C1orf21: variants seen among roughly 807,000 people sequenced by gnomAD.
The protein encoded by C1orf21 is uncharacterized protein C1orf21.
C1orf21 carries 3 observed loss-of-function variants against 18.7 expected under a neutral mutation model. The observed-to-expected ratio is 0.16, with a 90% confidence interval of 0.07 to 0.42. The LOEUF (loss-of-function observed/expected upper bound fraction) is 0.42, where lower values mean the gene tolerates loss of function less well. Ranked by LOEUF, C1orf21 falls within the 10% of genes least tolerant of loss-of-function variation. The probability of loss-of-function intolerance (pLI) is 0.99; values close to 1 mark genes in which losing one functional copy is unlikely to be tolerated. For synonymous variants in C1orf21, 41 were observed against 46.4 expected (o/e 0.88, Z 0.47); for missense variants, 104 against 143.6 (o/e 0.72, Z 1.41).
At chr1:184,618,646 C>A (rs528525532) in intron 5 of C1orf21, among the ~76,000 whole-genome samples, 1 of 147,856 alleles carries the variant, frequency 6.8e-6, no homozygotes, top group Non-Finnish European at 1.5e-5. Flanking sequence ...TCCCCCCCCC[C>A]AAGAAAAATG....
intron 1 of C1orf21, among the ~76,000 whole-genome samples, chr1:184,397,345 A>G (rs907697897): frequency 2.2e-4 from 34 of 152,156 alleles, no homozygotes; most frequent in Non-Finnish European, 3.5e-4. Context: ...CCAGCACTTT[A>G]GGAGGCCAAG....
chr1:184,427,824 A>G (rs1656666108), intron 1 of C1orf21, among the ~76,000 whole-genome samples: 1 of 152,022 alleles, frequency 6.6e-6, no homozygotes, highest in African/African-American at 2.4e-5. Flanking sequence ...CCCACCCTCC[A>G]CATACTTTCC....
At chr1:184,502,266 T>C (rs1439786664) in intron 2 of C1orf21, among the ~76,000 whole-genome samples, 1 of 152,206 alleles carries the variant, frequency 6.6e-6, no homozygotes, top group East Asian at 1.9e-4. Flanking sequence ...TGCCTTCACA[T>C]GGCAGAAAGT....
intron 4 of C1orf21, among the ~76,000 whole-genome samples, chr1:184,593,354 A>G (rs944672078): frequency 2.0e-5 from 3 of 152,092 alleles, no homozygotes; most frequent in Admixed American, 6.5e-5. Context: ...CCTGGAATTC[A>G]ATTAAGAAAT....
chr1:184,417,104 G>A (rs1035744227), intron 1 of C1orf21, among the ~76,000 whole-genome samples: 4 of 152,100 alleles, frequency 2.6e-5, no homozygotes, highest in African/African-American at 7.2e-5. Context: ...AATTCCAGGT[G>A]ATTTATACTC....
intron 4 of C1orf21, among the ~76,000 whole-genome samples, chr1:184,593,025 T>C (rs76745391): frequency 0.01 from 1,592 of 152,270 alleles, 20 homozygotes; most frequent in Non-Finnish European, 0.013. Flanking sequence ...TTATCTGCCT[T>C]TGGGGACAGC....
chr1:184,391,145 A>G (rs967113629), intron 1 of C1orf21, among the ~76,000 whole-genome samples: 3 of 152,222 alleles, frequency 2.0e-5, no homozygotes, highest in Admixed American at 1.3e-4. Context: ...ACAACATGAC[A>G]TGCTGTGGTT....
At chr1:184,492,718 T>C (rs376450132) in intron 2 of C1orf21, among the ~76,000 whole-genome samples, 10 of 152,336 alleles carry the variant, frequency 6.6e-5, no homozygotes, top group African/African-American at 2.4e-4. Flanking sequence ...CATCCACTGA[T>C]GCTTAAATTG....
At position 184,510,034 on chromosome 1, in the gene C1orf21, A is replaced by G. The variant is rs578056009; in HGVS notation, c.189+2352A>G. On this transcript the variant is annotated intron_variant, in intron 3 of 5. Coordinates refer to ENST00000235307, the MANE Select transcript of C1orf21 (RefSeq NM_030806.4). ...TAAGACTGAGTTCAGTGCTTAGCAC[A>G]TGATAAGCACCACCTGTAAGAGTTA... is the stretch of plus-strand genomic sequence containing the variant. Among the ~76,000 whole-genome samples, 4 of 152,382 alleles carry G rather than the reference A, an allele frequency of 2.6e-5. No homozygotes were observed. In the South Asian group the frequency reaches 8.3e-4, roughly 32 times the overall value.
chr1:184,462,957 C>T lies in C1orf21; in HGVS notation c.-124-14429C>T, dbSNP rs186189150. Among the ~76,000 whole-genome samples the T allele has an allele frequency of 1.1e-3, 163 of 151,914 alleles. 1 individual carries two copies. Among genetic ancestry groups the T allele is most frequent in the African/African-American group, 3.7e-3 (153 of 41,428 alleles). On this transcript the variant is annotated intron_variant, in intron 1 of 5. Coordinates refer to ENST00000235307, the MANE Select transcript of C1orf21 (RefSeq NM_030806.4). ...AGTAGCTCAGCGTGGTGGCAGGTGC[C>T]TGTAATCCCATTTACTTGGGAGGCT...
At chr1:184,463,583 T>A (rs1657341202) in intron 1 of C1orf21, among the ~76,000 whole-genome samples, 1 of 152,198 alleles carries the variant, frequency 6.6e-6, no homozygotes, top group Admixed American at 6.5e-5. Context: ...AATCTTCTAC[T>A]TTGTGCAAAG....
intron 1 of C1orf21, among the ~76,000 whole-genome samples, chr1:184,393,099 G>A (rs138029025): frequency 6.6e-5 from 10 of 152,080 alleles, no homozygotes; most frequent in Middle Eastern, 3.4e-3. Context: ...CAAGACCACC[G>A]CAGCATCAGC....
intron 1 of C1orf21, among the ~76,000 whole-genome samples, chr1:184,390,524 A>G (rs926748525): frequency 6.6e-6 from 1 of 152,210 alleles, no homozygotes; most frequent in Non-Finnish European, 1.5e-5. Context: ...CATCTAGTCA[A>G]TCAGAATTCA....
chr1:184,424,995 TA>T (rs1305744417), intron 1 of C1orf21, among the ~76,000 whole-genome samples: 1 of 152,204 alleles, frequency 6.6e-6, no homozygotes, highest in Non-Finnish European at 1.5e-5. Context: ...ATGAACATCT[TA>T]AAAAACTTAG....
At chr1:184,532,053 T>A (rs77017802) in intron 3 of C1orf21, among the ~76,000 whole-genome samples, 5 of 152,058 alleles carry the variant, frequency 3.3e-5, no homozygotes, top group South Asian at 2.1e-4. Context: ...TTTTTTTTTT[T>A]AATTTAGGGA....
intron 1 of C1orf21, among the ~76,000 whole-genome samples, chr1:184,455,030 CA>C (rs993685977): frequency 2.6e-5 from 4 of 152,008 alleles, no homozygotes; most frequent in Admixed American, 6.6e-5. Flanking sequence ...AAGAAGGGGG[CA>C]GGGGGGACAA....
intron 3 of C1orf21, among the ~76,000 whole-genome samples, chr1:184,541,865 C>T (rs2101977843): frequency 6.6e-6 from 1 of 152,236 alleles, no homozygotes; most frequent in Middle Eastern, 3.4e-3. Context: ...AGCGTCTGAA[C>T]TTGAGTGGGA....
intron 5 of C1orf21, among the ~76,000 whole-genome samples, chr1:184,601,762 G>A (rs1659588106): frequency 2.0e-5 from 3 of 152,058 alleles, no homozygotes; most frequent in South Asian, 2.1e-4. Flanking sequence ...TTAGCCGGGC[G>A]TGGTGGCACA....
chr1:184,596,834 G>T (rs942581907), intron 4 of C1orf21, among the ~76,000 whole-genome samples: 3 of 148,818 alleles, frequency 2.0e-5, no homozygotes, highest in African/African-American at 7.5e-5. Flanking sequence ...TCGCACCACT[G>T]TACTCCAGCC....
Sources: allele counts gnomAD v4.1 joint callset (sites outside exome capture counted in the v4.1 genomes callset), GRCh38; gene constraint gnomAD v4.1.1; transcripts MANE v1.5; gene names NCBI Gene and HGNC (gene_info 2026-07-23, HGNC 2026-07-21).